The following CACNA2D4 variants were observed in gnomAD, a reference collection of about 807,000 sequenced individuals.
CACNA2D4 encodes voltage-dependent calcium channel subunit alpha-2/delta-4.
CACNA2D4 carries 157 observed loss-of-function variants against 163.8 expected under a neutral mutation model. The observed-to-expected ratio is 0.96, with a 90% CI of 0.84 to 1.09. CACNA2D4 has a LOEUF of 1.09. Ranked by LOEUF, CACNA2D4 falls within the 50% of genes least tolerant of loss-of-function variation. The probability of loss-of-function intolerance (pLI) is 0.00; values close to 1 mark genes in which losing one functional copy is unlikely to be tolerated. For missense variants in CACNA2D4, 1,410 were observed against 1,479.9 expected (o/e 0.95, Z 0.78); for synonymous variants, 598 against 586.9 (o/e 1.02, Z -0.27).
chr12:1,915,317 T>C (rs1592755394), intron 1 of CACNA2D4: 2 of 698,846 alleles, frequency 2.9e-6, no homozygotes, highest in East Asian at 5.4e-5. Flanking sequence ...CTGCTGAGGG[T>C]TGTGGGGCCG....
In CACNA2D4 at chr12:1,885,399, G is replaced by A. The variant is rs114143543; in HGVS notation, c.1069-323C>T. Among the ~76,000 whole-genome samples the A allele has an allele frequency of 7.1e-3, 1,082 of 152,218 alleles. 16 individuals are homozygous for A. Among genetic ancestry groups the A allele is most frequent in the African/African-American group, 0.024 (997 of 41,528 alleles). ...AACCTCGGCTCCCAGACCACAGCCC[G>A]CAGCCCGCAGCCCAGGGGTGCACAC... On this transcript the variant is annotated intron_variant, in intron 9 of 37. Transcript: ENST00000382722.
intron 1 of CACNA2D4, 84 bp downstream of exon 1, chr12:1,918,163 T>C: frequency 1.0e-6 from 1 of 965,458 alleles, no homozygotes; most frequent in Non-Finnish European, 1.6e-6. Flanking sequence ...GCGGGAGGAG[T>C]GGGCAGAGGA....
chr12:1,911,206 T>C (rs1314505259), intron 3 of CACNA2D4, among the ~76,000 whole-genome samples: 1 of 152,072 alleles, frequency 6.6e-6, no homozygotes, highest in Non-Finnish European at 1.5e-5. Flanking sequence ...GTATTTTTAG[T>C]AGAGACAGGG....
At chr12:1,887,371 G>C (rs1015564122) in intron 6 of CACNA2D4, among the ~76,000 whole-genome samples, 1 of 152,216 alleles carries the variant, frequency 6.6e-6, no homozygotes, top group Non-Finnish European at 1.5e-5. Context: ...GGGAAGCTTT[G>C]GAGAAGTGTG....
intron 6 of CACNA2D4, among the ~76,000 whole-genome samples, chr12:1,889,565 C>G (rs775566228): frequency 7.0e-6 from 1 of 143,520 alleles, no homozygotes. Context: ...GGCAAGGGAA[C>G]CTCCTGCCTC....
intron 16 of CACNA2D4, among the ~76,000 whole-genome samples, chr12:1,877,607 C>T (rs1207860101): frequency 6.6e-6 from 1 of 152,198 alleles, no homozygotes; most frequent in East Asian, 1.9e-4. Flanking sequence ...AGATGAGGCC[C>T]TAAGTTCTCC....
In CACNA2D4 at chr12:1,831,095, G is replaced by C. The variant is rs747673793; in HGVS notation, c.2551+9644C>G. The C allele has an allele frequency of 1.9e-6, 3 of 1,613,902 alleles. No individual in the cohort carries two copies. The African/African-American group carries it at 4.0e-5, about 22-fold the overall frequency. On this transcript the variant is annotated intron_variant, in intron 26 of 37. Transcript: ENST00000382722. ...CAGCCACCCGAACCCTCTTGCTCTT[G>C]AACAATAAGCTGAGTGCCCTGCCAA...
Position 1,907,869 on chromosome 12 carries a change from G to T in CACNA2D4, c.649+6C>A, listed in dbSNP as rs369684560. ...TGAGTGTGCCTGAGCTGAGCGTGCC[G>T]GCTACCTTTGTTGTACACGTTGGTG... On this transcript the variant is annotated splice_donor_region_variant and intron_variant, in intron 5 of 37. Transcript: ENST00000382722. 6.2e-7 allele frequency: 1 copy of T among 1,613,890 alleles called. No individual in the cohort carries two copies. The highest frequency in any genetic ancestry group is 8.5e-7 in the Non-Finnish European group (1 of 1,179,862).
At chr12:1,867,540 T>C (rs1022999640) in intron 18 of CACNA2D4, among the ~76,000 whole-genome samples, 1 of 152,216 alleles carries the variant, frequency 6.6e-6, no homozygotes, top group Non-Finnish European at 1.5e-5. Flanking sequence ...TTTAAAATTT[T>C]CATTTGGAAG....
chr12:1,849,544 G>C (rs1865228127), intron 23 of CACNA2D4, among the ~76,000 whole-genome samples: 1 of 152,162 alleles, frequency 6.6e-6, no homozygotes. Flanking sequence ...TGTTTCATTT[G>C]CTTTCAATTA....
intron 13 of CACNA2D4, 125 bp downstream of exon 13, chr12:1,882,742 T>C: frequency 1.0e-6 from 1 of 991,106 alleles, no homozygotes; most frequent in East Asian, 2.6e-5. Context: ...CATTCGCCCC[T>C]TCTTAATGTT....
chr12:1,840,947 A>T, intron 25 of CACNA2D4, 128 bp from the exon 26 acceptor site: 1 of 800,386 alleles, frequency 1.2e-6, no homozygotes, highest in South Asian at 1.4e-5. Context: ...AATTGAGGCG[A>T]GGGTGGGGAC....
In CACNA2D4 at chr12:1,802,066, CAGA is replaced by C. The variant is rs1863355299; in HGVS notation, c.2722-425_2722-423del. Reference sequence around the variant, plus strand: ...GTGTGTGTGTGTGTGTGTGTTGGGTCAGATATAAAACACGTTTCTGCAGGTCAA... The same window carrying C: ...GTGTGTGTGTGTGTGTGTGTTGGGTCTATAAAACACGTTTCTGCAGGTCAA... On this transcript the variant is annotated intron_variant, in intron 29 of 37. Coordinates refer to ENST00000382722, the MANE Select transcript of CACNA2D4 (RefSeq NM_172364.5). This position sits in a 1 kb window ranked among gnomAD's most constrained non-coding sequence, Gnocchi z 4.7. Among the ~76,000 whole-genome samples the C allele has an allele frequency of 7.4e-6, 1 of 135,064 alleles. No homozygotes were observed. Among genetic ancestry groups the C allele is most frequent in the African/African-American group, 2.7e-5 (1 of 36,564 alleles). 88.6% of individuals were successfully genotyped at this position (135,064 alleles called of 152,430 possible). A position where few individuals can be genotyped will look rare whatever the true frequency, so the allele number is the denominator to read the frequency against.
rs1592688537 is a variant in CACNA2D4, at chr12:1,829,484, C to T, written c.2551+11255G>A. Among the ~76,000 whole-genome samples the T allele has an allele frequency of 6.6e-6, 1 of 151,970 alleles. No homozygotes were observed. Among genetic ancestry groups the T allele is most frequent in the South Asian group, 2.1e-4 (1 of 4,820 alleles). On this transcript the variant is annotated intron_variant, in intron 26 of 37. Coordinates refer to ENST00000382722, the MANE Select transcript of CACNA2D4 (RefSeq NM_172364.5). The surrounding 1 kb of genome is among the most constrained non-coding windows in gnomAD (Gnocchi z 4.2). ...CATGGCTGTACCTGTGCTCACTTCT[C>T]GCCAAGAACAGTGAGGCTTGCTGTT...
chr12:1,796,718 G>A lies in CACNA2D4; in HGVS notation c.3113+700C>T, dbSNP rs79043078. Among the ~76,000 whole-genome samples the A allele has an allele frequency of 1.4e-3, 220 of 152,324 alleles. 1 individual carries two copies. The highest frequency in any genetic ancestry group is 5.2e-3 in the African/African-American group (215 of 41,572). On this transcript the variant is annotated intron_variant, in intron 35 of 37. Transcript: ENST00000382722. ...CCGCACTGTTAAATGGTGTGCCACG[G>A]GCCCGGGGGTCTAGGGACCGCCTGG...
In CACNA2D4 at chr12:1,849,454, T is replaced by C. The variant is rs540541096; in HGVS notation, c.2247-2765A>G. 7.2e-4 allele frequency among the ~76,000 whole-genome samples: 110 copies of C among 152,258 alleles called. 1 individual carries two copies. The highest frequency in any genetic ancestry group is 1.3e-3 in the Non-Finnish European group (86 of 68,046). On this transcript the variant is annotated intron_variant, in intron 23 of 37. Coordinates refer to ENST00000382722, the MANE Select transcript of CACNA2D4 (RefSeq NM_172364.5). Reference sequence around the variant, plus strand: ...ACTGCTTAACATTTTATTTATTTAGTGTTTACAATTCTAAAGCCCCTTGAA... The same window carrying C: ...ACTGCTTAACATTTTATTTATTTAGCGTTTACAATTCTAAAGCCCCTTGAA...
chr12:1,900,801 A>G (rs1866519162), intron 6 of CACNA2D4, among the ~76,000 whole-genome samples: 1 of 152,212 alleles, frequency 6.6e-6, no homozygotes, highest in African/African-American at 2.4e-5. Flanking sequence ...TCATCCAGAG[A>G]GAAAATCAAC....
At chr12:1,801,542 A>T (rs1488203231) in intron 30 of CACNA2D4, 32 bp downstream of exon 30, 2 of 1,522,880 alleles carry the variant, frequency 1.3e-6, no homozygotes, top group African/African-American at 2.7e-5. Context: ...TGCTGTGTCT[A>T]TTTGGACTGG....
At chr12:1,842,537 C>G (rs1314885321) in intron 25 of CACNA2D4, among the ~76,000 whole-genome samples, 2 of 152,134 alleles carry the variant, frequency 1.3e-5, no homozygotes, top group Non-Finnish European at 2.9e-5. Flanking sequence ...GGAAGTGGGC[C>G]CCGCCTCCCT....
Sources: allele counts gnomAD v4.1 joint callset (sites outside exome capture counted in the v4.1 genomes callset), GRCh38; gene constraint gnomAD v4.1.1; non-coding constraint Gnocchi (gnomAD v3.1); transcripts MANE v1.5; gene names NCBI Gene and HGNC (gene_info 2026-07-23, HGNC 2026-07-21).